ANGPT1: variants seen among roughly 807,000 people sequenced by gnomAD.
ANGPT1 encodes angiopoietin-1.
In ANGPT1, 17 loss-of-function variants were observed where a neutral mutation model predicts 62.2. That is an observed-to-expected ratio of 0.27 (90% CI 0.19 to 0.41). The LOEUF (loss-of-function observed/expected upper bound fraction) is 0.41, where lower values mean the gene tolerates loss of function less well. Ranked by LOEUF, ANGPT1 falls within the 10% of genes least tolerant of loss-of-function variation. The pLI, the probability that ANGPT1 is intolerant of heterozygous loss-of-function variation, is 1.00. For synonymous variants in ANGPT1, 199 were observed against 198.9 expected (o/e 1.00, Z 0.00); for missense variants, 478 against 594.9 (o/e 0.80, Z 2.04).
intron 1 of ANGPT1, among the ~76,000 whole-genome samples, chr8:107,367,616 C>T (rs1217713958): frequency 6.6e-6 from 1 of 152,152 alleles, no homozygotes; most frequent in African/African-American, 2.4e-5. Context: ...AGTATTGTAA[C>T]CACAGTAGAA....
At chr8:107,433,604 A>G (rs1292746553) in intron 1 of ANGPT1, among the ~76,000 whole-genome samples, 1 of 152,206 alleles carries the variant, frequency 6.6e-6, no homozygotes, top group East Asian at 1.9e-4. Context: ...CTTTCAATTT[A>G]TTTCAGCTAT....
chr8:107,258,483 A>G (rs1045520517), intron 8 of ANGPT1, among the ~76,000 whole-genome samples: 8 of 152,180 alleles, frequency 5.3e-5, no homozygotes, highest in Non-Finnish European at 5.9e-5. Flanking sequence ...TACAAAATTA[A>G]TTGGTTATTT....
In ANGPT1 at chr8:107,340,476, T is replaced by C. The variant is rs565165521; in HGVS notation, c.454-4205A>G. On this transcript the variant is annotated intron_variant, in intron 2 of 8. Coordinates refer to ENST00000517746, the MANE Select transcript of ANGPT1 (RefSeq NM_001146.5). Reference sequence around the variant, plus strand: ...ATTTCACCCAGCTCCCTTTAATATTTTCAAGAGTGCCTCTGATCCTTTAAA... The same window carrying C: ...ATTTCACCCAGCTCCCTTTAATATTCTCAAGAGTGCCTCTGATCCTTTAAA... Among the ~76,000 whole-genome samples, 4 of 152,216 alleles carry C rather than the reference T, an allele frequency of 2.6e-5. No homozygotes were observed. The East Asian group carries it at 7.7e-4, about 29-fold the overall frequency.
rs143194275 is a variant in ANGPT1 at position 107,492,632 on chromosome 8, C to T, written c.297+4630G>A. Among the ~76,000 whole-genome samples the T allele has an allele frequency of 3.8e-3, 579 of 151,312 alleles. 33 individuals carry two copies. The highest frequency in any genetic ancestry group is 0.013 in the African/African-American group (516 of 41,200). On this transcript the variant is annotated intron_variant, in intron 1 of 8. Transcript: ENST00000517746. The stretch of plus-strand genomic sequence containing the variant: ...GATTACAGGTGTGAGCCACCACGCC[C>T]GGCCAATATGTACCCATTTCACACA...
intron 4 of ANGPT1, among the ~76,000 whole-genome samples, chr8:107,317,628 ATT>A (rs60047500): frequency 1.3e-4 from 11 of 84,986 alleles, no homozygotes; most frequent in Non-Finnish European, 1.3e-4. Flanking sequence ...ATTTATTTTT[ATT>A]TTTATTTTTT....
At chr8:107,460,109 T>A (rs908682744) in intron 1 of ANGPT1, among the ~76,000 whole-genome samples, 13 of 152,200 alleles carry the variant, frequency 8.5e-5, no homozygotes, top group African/African-American at 3.1e-4. Context: ...CGTCTGAGCA[T>A]TTCACAGTAC....
intron 3 of ANGPT1, among the ~76,000 whole-genome samples, chr8:107,331,227 T>C (rs1156960703): frequency 6.6e-6 from 1 of 152,208 alleles, no homozygotes; most frequent in East Asian, 1.9e-4. Context: ...TTTGGTATCT[T>C]GAAGTTGCAC....
intron 1 of ANGPT1, among the ~76,000 whole-genome samples, chr8:107,351,556 ATAT>A (rs1319268542): frequency 6.6e-6 from 1 of 151,538 alleles, no homozygotes; most frequent in African/African-American, 2.4e-5. Context: ...TTATTATAAT[ATAT>A]TATAACATAC....
intron 1 of ANGPT1, among the ~76,000 whole-genome samples, chr8:107,379,330 G>T (rs1028477536): frequency 6.6e-6 from 1 of 152,110 alleles, no homozygotes; most frequent in South Asian, 2.1e-4. Flanking sequence ...AAGTCATCAC[G>T]TCTAAGTGTC....
intron 8 of ANGPT1, among the ~76,000 whole-genome samples, chr8:107,262,184 G>C (rs1313352863): frequency 1.3e-5 from 2 of 152,132 alleles, no homozygotes; most frequent in Non-Finnish European, 2.9e-5. Context: ...AACAGAGTGA[G>C]ACTTGGTCTC....
intron 1 of ANGPT1, among the ~76,000 whole-genome samples, chr8:107,375,882 G>A (rs757080004): frequency 6.6e-6 from 1 of 152,146 alleles, no homozygotes; most frequent in Non-Finnish European, 1.5e-5. Flanking sequence ...AAAGCAGCTT[G>A]CCCCTGTCTT....
intron 1 of ANGPT1, among the ~76,000 whole-genome samples, chr8:107,458,952 A>G (rs1811994236): frequency 6.6e-6 from 1 of 152,142 alleles, no homozygotes; most frequent in Non-Finnish European, 1.5e-5. Context: ...CACAGCCCAA[A>G]TTCAAACCTA....
At chr8:107,318,269 T>C (rs1815068319) in intron 4 of ANGPT1, among the ~76,000 whole-genome samples, 1 of 152,230 alleles carries the variant, frequency 6.6e-6, no homozygotes. Flanking sequence ...TTATTGTCTA[T>C]TAGGAATAAG....
intron 2 of ANGPT1, among the ~76,000 whole-genome samples, chr8:107,342,341 C>T (rs1815712442): frequency 6.6e-6 from 1 of 152,166 alleles, no homozygotes; most frequent in Non-Finnish European, 1.5e-5. Flanking sequence ...TGTTCTAAAT[C>T]CTGTCGATAG....
At chr8:107,467,297 G>T (rs1812230239) in intron 1 of ANGPT1, among the ~76,000 whole-genome samples, 1 of 150,790 alleles carries the variant, frequency 6.6e-6, no homozygotes, top group Admixed American at 6.6e-5. Flanking sequence ...TACCTATAAT[G>T]ATTTAACATT....
intron 1 of ANGPT1, among the ~76,000 whole-genome samples, chr8:107,409,667 T>C (rs1457885717): frequency 6.6e-6 from 1 of 152,174 alleles, no homozygotes; most frequent in Non-Finnish European, 1.5e-5. Flanking sequence ...TAATATTTTT[T>C]CCTGAACATA....
At chr8:107,268,944 C>T (rs1813677371) in intron 7 of ANGPT1, among the ~76,000 whole-genome samples, 1 of 152,014 alleles carries the variant, frequency 6.6e-6, no homozygotes, top group South Asian at 2.1e-4. Context: ...TATTCATCCC[C>T]CCATGTTTAT....
intron 1 of ANGPT1, 98 bp downstream of exon 1, chr8:107,497,164 G>A (rs907571376): frequency 4.3e-6 from 6 of 1,384,798 alleles, no homozygotes; most frequent in Non-Finnish European, 5.9e-6. Context: ...TGGAGCAAAA[G>A]GTAAATACAC....
At chr8:107,468,962 G>A (rs1812276097) in intron 1 of ANGPT1, among the ~76,000 whole-genome samples, 1 of 152,038 alleles carries the variant, frequency 6.6e-6, no homozygotes, top group Non-Finnish European at 1.5e-5. Context: ...GTGAAATTGG[G>A]AGAACCTAGA....
Sources: allele counts gnomAD v4.1 joint callset (sites outside exome capture counted in the v4.1 genomes callset), GRCh38; gene constraint gnomAD v4.1.1; transcripts MANE v1.5; gene names NCBI Gene and HGNC (gene_info 2026-07-23, HGNC 2026-07-21).